ABCB1: variants seen among roughly 807,000 people sequenced by gnomAD.
ABCB1 encodes the protein ATP binding cassette subfamily B member 1.
Under a neutral mutation model 142.0 loss-of-function variants are expected in ABCB1, and 69 were observed. That is an observed-to-expected ratio of 0.49 (90% confidence interval 0.40 to 0.59). The LOEUF (loss-of-function observed/expected upper bound fraction) is 0.59, where lower values mean the gene tolerates loss of function less well. Among genes scored for constraint, ABCB1 ranks in the 20% least tolerant of loss-of-function variants. The pLI is 0.00. For missense variants in ABCB1, 1,326 were observed against 1,554.7 expected (o/e 0.85, Z 2.47); for synonymous variants, 532 against 539.2 (o/e 0.99, Z 0.18).
chr7:87,606,615 A>G (rs993791884), intron 1 of ABCB1, among the ~76,000 whole-genome samples: 2 of 152,108 alleles, frequency 1.3e-5, no homozygotes, highest in Non-Finnish European at 2.9e-5. Flanking sequence ...CTCAGAAAAT[A>G]CCTATGCTAA....
intron 1 of ABCB1, among the ~76,000 whole-genome samples, chr7:87,673,388 C>T (rs1396758724): frequency 6.6e-6 from 1 of 152,086 alleles, no homozygotes; most frequent in African/African-American, 2.4e-5. Flanking sequence ...TTACATAATC[C>T]CATATTTCTC....
Position 87,561,331 on chromosome 7 carries a change from T to C in ABCB1, c.759A>G (p.Val253=), listed in dbSNP as rs767319349. Reference sequence around the variant, plus strand: ...TAATTGCTGCCAAGACCTCTTCAGCTACTGCTCCAGCTTTTGCATACGCTA... The same window carrying C: ...TAATTGCTGCCAAGACCTCTTCAGCCACTGCTCCAGCTTTTGCATACGCTA... ...ELLAYAKAGA[V]AEEVLAAIRT... The change falls in exon 8 of 28, where the codon GTA becomes GTG. Residue 253 remains valine (V), a synonymous_variant. Transcript: ENST00000622132. The C allele has an allele frequency of 1.9e-6, 3 of 1,614,030 alleles. No homozygotes were observed. Among genetic ancestry groups the C allele is most frequent in the Non-Finnish European group, 2.5e-6 (3 of 1,179,904 alleles).
chr7:87,638,371 G>GTGTA (rs775180505), intron 1 of ABCB1, among the ~76,000 whole-genome samples: 9 of 151,640 alleles, frequency 5.9e-5, no homozygotes, highest in South Asian at 4.2e-4. Context: ...GTGTGTGTGT[G>GTGTA]TGTGTGTGTT....
intron 26 of ABCB1, among the ~76,000 whole-genome samples, chr7:87,506,512 A>G (rs1814753321): frequency 6.6e-6 from 1 of 152,164 alleles, no homozygotes; most frequent in Non-Finnish European, 1.5e-5. Context: ...TGTTTTTATG[A>G]AAGTATCTCC....
At chr7:87,549,300 T>C (rs775087236) in intron 14 of ABCB1, 48 bp downstream of exon 14, 6 of 1,611,784 alleles carry the variant, frequency 3.7e-6, no homozygotes, top group Non-Finnish European at 5.1e-6. Context: ...AGTAGTAGAA[T>C]GTTCTTATGC....
At chr7:87,665,775 A>G (rs1168499954) in intron 1 of ABCB1, among the ~76,000 whole-genome samples, 1 of 152,080 alleles carries the variant, frequency 6.6e-6, no homozygotes, top group East Asian at 1.9e-4. Flanking sequence ...CCCACTTACA[A>G]GTGATAACGT....
At chr7:87,508,349 G>T (rs1335285715) in intron 26 of ABCB1, among the ~76,000 whole-genome samples, 1 of 152,124 alleles carries the variant, frequency 6.6e-6, no homozygotes. Flanking sequence ...GTATAAAATT[G>T]CCTTCTGGCT....
At chr7:87,602,084 C>G (rs1016683887), upstream of ABCB1, among the ~76,000 whole-genome samples, 1 of 152,210 alleles carries the variant, frequency 6.6e-6, no homozygotes, top group Middle Eastern at 3.4e-3. Flanking sequence ...AGCTCCGCCT[C>G]CCGGGTTCAC....
chr7:87,553,056 A>G (rs28381886), intron 9 of ABCB1, among the ~76,000 whole-genome samples: 1,985 of 152,324 alleles, frequency 0.013, 53 homozygotes, highest in African/African-American at 0.044. Context: ...TGTGAGGTGG[A>G]TTAGCTGCCA....
intron 1 of ABCB1, among the ~76,000 whole-genome samples, chr7:87,646,178 G>A (rs909768771): frequency 6.6e-6 from 1 of 152,174 alleles, no homozygotes; most frequent in Non-Finnish European, 1.5e-5. Flanking sequence ...CTGTAGGAAC[G>A]TAACCTATGA....
intron 1 of ABCB1, among the ~76,000 whole-genome samples, chr7:87,648,532 C>CA (rs11307709): frequency 7.4e-4 from 100 of 134,458 alleles, no homozygotes; most frequent in Non-Finnish European, 9.0e-4. Flanking sequence ...TGCCAAAAGA[C>CA]AAAAAAAAAA....
chr7:87,511,825 C>T (rs1815023482), intron 25 of ABCB1, among the ~76,000 whole-genome samples: 1 of 152,124 alleles, frequency 6.6e-6, no homozygotes, highest in African/African-American at 2.4e-5. Context: ...TATAACCAGA[C>T]AATGACAAGC....
intron 1 of ABCB1, among the ~76,000 whole-genome samples, chr7:87,624,242 A>G (rs558219145): frequency 6.6e-6 from 1 of 152,306 alleles, no homozygotes; most frequent in East Asian, 1.9e-4. Flanking sequence ...TGATGTCAGC[A>G]TATTACCCAT....
rs1829331316 is a variant in ABCB1, at chr7:87,703,889, T to C, written c.-331+9272A>G. Among the ~76,000 whole-genome samples, 4 of 104,754 alleles carry C rather than the reference T, an allele frequency of 3.8e-5. No individual in the cohort carries two copies. The Admixed American group carries it at 4.0e-4, about 10-fold the overall frequency. 68.7% of individuals were successfully genotyped at this position (104,754 alleles called of 152,430 possible). ...GGTGAGCTTTATCAGTTTTTTCTTT[T>C]TTTTTTTTTTTTTTTTTTTTTTTGG... is the stretch of plus-strand genomic sequence containing the variant. On this transcript the variant is annotated intron_variant, in intron 1 of 28. Coordinates refer to the ABCB1 transcript ENST00000265724.
intron 17 of ABCB1, among the ~76,000 whole-genome samples, chr7:87,543,202 G>T (rs1198597048): frequency 1.3e-5 from 2 of 152,128 alleles, no homozygotes; most frequent in South Asian, 2.1e-4. Context: ...GCTGAGGCAG[G>T]AGAATCGCTT....
At chr7:87,563,345 G>T (rs1227798607) in intron 7 of ABCB1, 1 of 454,630 alleles carries the variant, frequency 2.2e-6, no homozygotes, top group Non-Finnish European at 4.4e-6. Context: ...CCAAAACCTG[G>T]CAGAGATACA....
At chr7:87,622,210 A>C (rs1472616715) in intron 1 of ABCB1, among the ~76,000 whole-genome samples, 1 of 152,174 alleles carries the variant, frequency 6.6e-6, no homozygotes, top group Non-Finnish European at 1.5e-5. Flanking sequence ...AGTATTTGCC[A>C]TACATACAAT....
intron 3 of ABCB1, among the ~76,000 whole-genome samples, chr7:87,587,223 A>T (rs1818795821): frequency 6.6e-6 from 1 of 152,220 alleles, no homozygotes; most frequent in Non-Finnish European, 1.5e-5. Context: ...ATAAAATATC[A>T]AACTCCTTAG....
intron 1 of ABCB1, among the ~76,000 whole-genome samples, chr7:87,673,241 A>G (rs1225800086): frequency 6.6e-6 from 1 of 152,126 alleles, no homozygotes; most frequent in Non-Finnish European, 1.5e-5. Flanking sequence ...TTCTCTGCAT[A>G]TCTTGAATTT....
Sources: allele counts gnomAD v4.1 joint callset (sites outside exome capture counted in the v4.1 genomes callset), GRCh38; gene constraint gnomAD v4.1.1; transcripts MANE v1.5; gene names NCBI Gene and HGNC (gene_info 2026-07-23, HGNC 2026-07-21).